RBL1: variants seen among roughly 807,000 people sequenced by gnomAD.
RBL1 encodes the protein RB transcriptional corepressor like 1.
Under a neutral mutation model 123.0 loss-of-function variants are expected in RBL1, and 82 were observed. The ratio of observed to expected loss-of-function variants is 0.67; its 90% CI spans 0.56 to 0.80. RBL1 has a LOEUF of 0.80. RBL1 is among the 30% of genes least tolerant of loss of function. The probability of loss-of-function intolerance (pLI) is 0.00; values close to 1 mark genes in which losing one functional copy is unlikely to be tolerated. For missense variants in RBL1, 1,171 were observed against 1,299.6 expected (o/e 0.90, Z 1.52); for synonymous variants, 405 against 441.3 (o/e 0.92, Z 1.03).
chr20:37,066,474 T>C (rs1403590963), intron 6 of RBL1, among the ~76,000 whole-genome samples: 1 of 151,858 alleles, frequency 6.6e-6, no homozygotes, highest in Non-Finnish European at 1.5e-5. Context: ...CAATTCTTTA[T>C]CAGTACCTCC....
intron 21 of RBL1, among the ~76,000 whole-genome samples, chr20:36,999,301 G>C (rs1449717233): frequency 6.6e-6 from 1 of 151,678 alleles, no homozygotes; most frequent in Non-Finnish European, 1.5e-5. Flanking sequence ...AGCTACTCGG[G>C]AGGTTAAGGA....
chr20:37,059,962 C>A (rs941463346), intron 9 of RBL1, among the ~76,000 whole-genome samples: 1 of 151,730 alleles, frequency 6.6e-6, no homozygotes, highest in Non-Finnish European at 1.5e-5. Flanking sequence ...CATCTGAGGT[C>A]GGGAGTTTGA....
At chr20:37,090,171 A>G (rs111818745) in intron 1 of RBL1, among the ~76,000 whole-genome samples, 1,894 of 152,346 alleles carry the variant, frequency 0.012, 17 homozygotes, top group Middle Eastern at 0.044. Context: ...AGTTGCCTAT[A>G]GTGTTCAGTA....
chr20:37,046,758 G>C (rs548745293), intron 12 of RBL1, among the ~76,000 whole-genome samples: 1 of 151,774 alleles, frequency 6.6e-6, no homozygotes, highest in Non-Finnish European at 1.5e-5. Flanking sequence ...ACAGGTGCTC[G>C]CCACAATGCC....
At chr20:37,054,026 T>TAC (rs1486937520) in intron 11 of RBL1, among the ~76,000 whole-genome samples, 29 of 84,596 alleles carry the variant, frequency 3.4e-4, no homozygotes, top group African/African-American at 9.2e-4. Flanking sequence ...GATACAATTT[T>TAC]ATACACACAC....
intron 16 of RBL1, among the ~76,000 whole-genome samples, chr20:37,030,278 AC>A (rs2064484859): frequency 6.6e-6 from 1 of 152,088 alleles, no homozygotes; most frequent in Admixed American, 6.6e-5. Context: ...CCAGAATTAA[AC>A]CCCCATATCT....
At chr20:37,082,167 G>T in intron 2 of RBL1, 1 of 347,116 alleles carries the variant, frequency 2.9e-6, no homozygotes, top group South Asian at 2.2e-5. Context: ...CCAGGGACCT[G>T]CGTACCTCCT....
Position 37,067,308 on chromosome 20 carries a change from A to G in RBL1, c.492-11T>C. ...CTGCAAGGAATCCTCCTAAAAAGGG[A>G]AAAAAATTACTTTTTGTCTGACTAG... On this transcript the variant is annotated splice_polypyrimidine_tract_variant and intron_variant, in intron 3 of 21. Transcript: ENST00000373664. 6.3e-7 allele frequency: 1 copy of G among 1,581,314 alleles called. No homozygotes were observed. The highest frequency in any genetic ancestry group is 8.6e-7 in the Non-Finnish European group (1 of 1,166,852).
At chr20:37,044,037 T>C in intron 13 of RBL1, 49 bp downstream of exon 13, 1 of 1,339,236 alleles carries the variant, frequency 7.5e-7, no homozygotes, top group East Asian at 2.6e-5. Context: ...AAGCTGGTTT[T>C]TTTTTTTTTT....
At chr20:37,028,261 AG>A (rs1418241243) in intron 16 of RBL1, among the ~76,000 whole-genome samples, 23 of 152,150 alleles carry the variant, frequency 1.5e-4, no homozygotes, top group Admixed American at 1.5e-3. Context: ...GCTACTTGGG[AG>A]GGTGAGGCAG....
chr20:37,008,299 G>C (rs1364457543), intron 19 of RBL1, among the ~76,000 whole-genome samples: 1 of 152,206 alleles, frequency 6.6e-6, no homozygotes. Context: ...AGCATATCCT[G>C]AGAGGTTAAG....
At chr20:37,025,726 A>G (rs2064408555) in intron 16 of RBL1, among the ~76,000 whole-genome samples, 2 of 151,196 alleles carry the variant, frequency 1.3e-5, no homozygotes, top group African/African-American at 4.9e-5. Flanking sequence ...AATGGCCAAA[A>G]AAACCTTGAA....
intron 14 of RBL1, among the ~76,000 whole-genome samples, chr20:37,039,875 CTTAT>C (rs1214416644): frequency 1.3e-5 from 2 of 151,964 alleles, no homozygotes; most frequent in South Asian, 2.1e-4. Flanking sequence ...CTGACTTTAG[CTTAT>C]TTAAACAGTT....
At chr20:37,054,222 C>A (rs1484245036) in intron 11 of RBL1, among the ~76,000 whole-genome samples, 1 of 152,200 alleles carries the variant, frequency 6.6e-6, no homozygotes, top group Non-Finnish European at 1.5e-5. Flanking sequence ...CAGTGGCTCA[C>A]ACCTGTAATC....
rs751175847 is a variant in RBL1 at position 37,095,767 on chromosome 20, G to A, written c.156+6C>T. The A allele has an allele frequency of 1.3e-6, 2 of 1,583,474 alleles. No individual in the cohort carries two copies. Among genetic ancestry groups the A allele is most frequent in the Non-Finnish European group, 1.7e-6 (2 of 1,160,532 alleles). On this transcript the variant is annotated splice_donor_region_variant and intron_variant, in intron 1 of 21. Transcript: ENST00000373664. ...GGGTCCGGCCGCCCCACCTGCTGCC[G>A]CTCACCTCTAGGCTGTAGTTGCCTC...
chr20:37,072,090 T>C (rs570869042), intron 2 of RBL1, among the ~76,000 whole-genome samples: 6 of 152,228 alleles, frequency 3.9e-5, no homozygotes, highest in Non-Finnish European at 7.3e-5. Context: ...AAAAGATTCT[T>C]ACCAACAGCA....
At chr20:37,024,787 TGAAAATTAAAAATGGTAAG>T (rs1274226511) in intron 16 of RBL1, among the ~76,000 whole-genome samples, 4 of 152,206 alleles carry the variant, frequency 2.6e-5, no homozygotes, top group African/African-American at 9.6e-5. Flanking sequence ...TTTGCCATTT[TGAAAATTAAAAATGGTAAG>T]TAAATGGGGA....
intron 7 of RBL1, among the ~76,000 whole-genome samples, chr20:37,063,114 G>A (rs930814398): frequency 2.6e-5 from 4 of 152,120 alleles, no homozygotes; most frequent in South Asian, 2.1e-4. Flanking sequence ...GTCTCACTCC[G>A]TCACCCAAGC....
At position 36,997,143 on chromosome 20, in the gene RBL1, G is replaced by C. The variant is rs1188711664; in HGVS notation, c.*1616C>G. 6.6e-6 allele frequency: 1 copy of C among 152,102 alleles called. No individual in the cohort carries two copies. The highest frequency in any genetic ancestry group is 1.5e-5 in the Non-Finnish European group (1 of 68,028). The allele number at this position is 152,102 out of a possible 1,614,324, so 9.4% of individuals were successfully genotyped here. A position where few individuals can be genotyped will look rare whatever the true frequency, so the allele number is the denominator to read the frequency against. On this transcript the variant is annotated 3_prime_UTR_variant, in exon 22 of 22. Transcript: ENST00000373664. Reference sequence around the variant, plus strand: ...ATGAGTGGCTTATTCATGTCCTTTGGATTCCAGACACACACTAGAAAAAGT... The same window carrying C: ...ATGAGTGGCTTATTCATGTCCTTTGCATTCCAGACACACACTAGAAAAAGT...
Sources: gnomAD v4.1 joint callset for allele counts (sites outside exome capture counted in the v4.1 genomes callset) on GRCh38, gnomAD v4.1.1 for gene constraint, MANE v1.5 for transcripts, NCBI Gene and HGNC (gene_info 2026-07-23, HGNC 2026-07-21) for gene names.